The following CD84 variants were observed in gnomAD, a reference collection of about 807,000 sequenced individuals.
CD84 encodes SLAM family member 5.
In CD84, 22 loss-of-function variants were observed where a neutral mutation model predicts 33.8. The observed-to-expected ratio is 0.65, with a 90% CI of 0.46 to 0.93. The LOEUF (loss-of-function observed/expected upper bound fraction) is 0.93. CD84 is among the 40% of genes least tolerant of loss of function. The pLI is 0.00. For missense variants in CD84, 400 were observed against 397.6 expected, an observed-to-expected ratio of 1.01 and a Z score of -0.05; for synonymous variants, 154 against 145.2, an observed-to-expected ratio of 1.06 and a Z score of -0.44.
chr1:160,559,006 T>C (rs552541911), intron 2 of CD84, among the ~76,000 whole-genome samples: 13 of 152,222 alleles, frequency 8.5e-5, no homozygotes, highest in South Asian at 6.2e-4. Flanking sequence ...CTATGACCAA[T>C]TGGGGTAGCT....
At chr1:160,557,471 G>A (rs1327235378) in intron 2 of CD84, among the ~76,000 whole-genome samples, 1 of 152,116 alleles carries the variant, frequency 6.6e-6, no homozygotes, top group East Asian at 1.9e-4. Context: ...CATTTTAGTG[G>A]GTGACCTATA....
At chr1:160,570,104 G>A (rs112426478) in intron 1 of CD84, among the ~76,000 whole-genome samples, 67 of 152,260 alleles carry the variant, frequency 4.4e-4, no homozygotes, top group African/African-American at 1.5e-3. Context: ...GGAAAGGAAG[G>A]GCTGGATTTG....
At chr1:160,555,827 T>C (rs1027254990) in intron 2 of CD84, among the ~76,000 whole-genome samples, 2 of 152,170 alleles carry the variant, frequency 1.3e-5, no homozygotes, top group African/African-American at 4.8e-5. Flanking sequence ...TTATCTTGCG[T>C]TTGTGAAGGA....
chr1:160,551,565 G>A (rs777542097), intron 4 of CD84, among the ~76,000 whole-genome samples: 1 of 152,178 alleles, frequency 6.6e-6, no homozygotes, highest in Non-Finnish European at 1.5e-5. Flanking sequence ...TTTGAGACAA[G>A]TTCTCACTCT....
At chr1:160,550,635 T>A (rs113115008) in intron 5 of CD84, 11,036 of 985,324 alleles carry the variant, frequency 0.011, 76 homozygotes, top group Middle Eastern at 0.027. Context: ...TCCTCTGTTG[T>A]GTGGCCCCTC....
chr1:160,549,791 G>A, intron 6 of CD84, 126 bp downstream of exon 6: 1 of 777,592 alleles, frequency 1.3e-6, no homozygotes, highest in Non-Finnish European at 2.3e-6. Context: ...AAAAACCTAG[G>A]CAGTGGGTCC....
chr1:160,559,860 A>C (rs1290532300), intron 2 of CD84, among the ~76,000 whole-genome samples: 1 of 152,146 alleles, frequency 6.6e-6, no homozygotes, highest in Admixed American at 6.6e-5. Context: ...ACTTTAAAGC[A>C]ACAAAGATAA....
chr1:160,549,805 G>A (rs2102124683), intron 6 of CD84, 112 bp downstream of exon 6: 1 of 832,388 alleles, frequency 1.2e-6, no homozygotes, highest in South Asian at 1.3e-5. Flanking sequence ...TGGGTCCTGA[G>A]AACTACAAGG....
At chr1:160,579,178 C>T (rs1250258536) in intron 1 of CD84, among the ~76,000 whole-genome samples, 1 of 152,124 alleles carries the variant, frequency 6.6e-6, no homozygotes, top group African/African-American at 2.4e-5. Flanking sequence ...AGAAATATAA[C>T]TCAGTAATAT....
intron 3 of CD84, 158 bp downstream of exon 3, chr1:160,553,737 C>T (rs1312445784): frequency 2.4e-6 from 3 of 1,233,574 alleles, no homozygotes; most frequent in Non-Finnish European, 3.4e-6. Flanking sequence ...AGGCTTTGGC[C>T]TCTTTCCCAG....
At chr1:160,558,171 T>C (rs945768955) in intron 2 of CD84, among the ~76,000 whole-genome samples, 2 of 152,176 alleles carry the variant, frequency 1.3e-5, no homozygotes. Flanking sequence ...ATCCTGTTCC[T>C]CCTGACAGGT....
At chr1:160,549,411 G>A (rs1467543851) in intron 6 of CD84, among the ~76,000 whole-genome samples, 1 of 151,982 alleles carries the variant, frequency 6.6e-6, no homozygotes, top group African/African-American at 2.4e-5. Flanking sequence ...ATATGACAGA[G>A]AAGGACATAA....
chr1:160,549,794 G>A, intron 6 of CD84, 123 bp downstream of exon 6: 2 of 790,900 alleles, frequency 2.5e-6, no homozygotes, highest in Non-Finnish European at 4.5e-6. Context: ...AACCTAGGCA[G>A]TGGGTCCTGA....
rs954344938 is a variant in CD84, at chr1:160,541,610, G to C, written c.*6646C>G. ...AAGAGGGATATTCAGTCTGATGCTT[G>C]ATGTAGACAGAAGGGAGAGAAGGGC... On this transcript the variant is annotated 3_prime_UTR_variant, in exon 7 of 7. Coordinates refer to ENST00000368054, the MANE Select transcript of CD84 (RefSeq NM_003874.4). The C allele has an allele frequency of 1.3e-5, 2 of 152,190 alleles. No individual in the cohort carries two copies. Among genetic ancestry groups the C allele is most frequent in the Non-Finnish European group, 2.9e-5 (2 of 68,050 alleles). The allele number at this position is 152,190 out of a possible 1,614,324, so 9.4% of individuals were successfully genotyped here. A position where few individuals can be genotyped will look rare whatever the true frequency, so the allele number is the denominator to read the frequency against.
chr1:160,574,513 G>A (rs1048346343), intron 1 of CD84, among the ~76,000 whole-genome samples: 63 of 152,134 alleles, frequency 4.1e-4, no homozygotes, highest in African/African-American at 1.4e-3. Flanking sequence ...AAATAAAACA[G>A]AGCTGTCCTG....
intron 2 of CD84, among the ~76,000 whole-genome samples, chr1:160,558,618 A>G (rs986715383): frequency 3.3e-5 from 5 of 152,234 alleles, no homozygotes; most frequent in African/African-American, 1.2e-4. Flanking sequence ...GCAAAAGCAA[A>G]GAACTGGGCT....
At chr1:160,553,779 C>T (rs781325367) in intron 3 of CD84, 116 bp downstream of exon 3, 152 of 1,506,804 alleles carry the variant, frequency 1.0e-4, no homozygotes, top group Non-Finnish European at 1.3e-4. Context: ...CCCTCAGTGA[C>T]CAGGCCAAAG....
intron 2 of CD84, 36 bp from the exon 3 acceptor site, chr1:160,554,182 G>A: frequency 1.3e-6 from 2 of 1,565,710 alleles, no homozygotes; most frequent in Non-Finnish European, 1.7e-6. Context: ...TAGTGAGCTG[G>A]AGCTGGCTTG....
Position 160,543,282 on chromosome 1 carries a change from A to G in CD84, c.*4974T>C, listed in dbSNP as rs1655638751. The G allele has an allele frequency of 6.6e-6, 1 of 152,216 alleles. No individual in the cohort carries two copies. Among genetic ancestry groups the G allele is most frequent in the African/African-American group, 2.4e-5 (1 of 41,458 alleles). 9.4% of individuals were successfully genotyped at this position (152,216 alleles called of 1,614,324 possible). A position where few individuals can be genotyped will look rare whatever the true frequency, so the allele number is the denominator to read the frequency against. On this transcript the variant is annotated 3_prime_UTR_variant, in exon 7 of 7. Coordinates refer to ENST00000368054, the MANE Select transcript of CD84 (RefSeq NM_003874.4). ...CCTATTATGTGTCAAGCAAAGTGCCAGGTGTGTGTACACCTAAGGCCAAGT... is the reference window on the plus strand; with the variant it reads ...CCTATTATGTGTCAAGCAAAGTGCCGGGTGTGTGTACACCTAAGGCCAAGT...
Sources: allele counts gnomAD v4.1 joint callset (sites outside exome capture counted in the v4.1 genomes callset), GRCh38; gene constraint gnomAD v4.1.1; transcripts MANE v1.5; gene names NCBI Gene and HGNC (gene_info 2026-07-23, HGNC 2026-07-21).